Variants in FAM110A observed in about 807,000 individuals in gnomAD.
The protein encoded by FAM110A is family with sequence similarity 110 member A.
A neutral mutation model predicts 4.0 loss-of-function variants in FAM110A; 1 was observed. That is an observed-to-expected ratio of 0.25 (90% CI 0.09 to 1.20). The LOEUF (loss-of-function observed/expected upper bound fraction) is 1.20, where lower values mean the gene tolerates loss of function less well. Ranked by LOEUF, FAM110A falls within the 50% of genes most tolerant of loss-of-function variation. The pLI is 0.50. For synonymous variants in FAM110A, 217 were observed against 196.8 expected (o/e 1.10, Z -0.86); for missense variants, 436 against 429.2 (o/e 1.02, Z -0.14).
rs1235299937 is a variant in FAM110A, at chr20:845,767, A to G, written c.*75A>G. ...TGGTCCCTGGACCTCTCTTGCATCCATTCTCTAGACGGCCGTGTCAGAGGC... is the reference window on the plus strand; with the variant it reads ...TGGTCCCTGGACCTCTCTTGCATCCGTTCTCTAGACGGCCGTGTCAGAGGC... On this transcript the variant is annotated 3_prime_UTR_variant, in exon 2 of 2. Coordinates refer to ENST00000381941, the MANE Select transcript of FAM110A (RefSeq NM_001042353.3). 20 of 1,583,196 alleles carry G rather than the reference A, an allele frequency of 1.3e-5. No individual in the cohort carries two copies. The Admixed American group carries it at 3.1e-4, about 24-fold the overall frequency.
At position 845,617 on chromosome 20, in the gene FAM110A, G is replaced by A; in HGVS notation, c.813G>A (p.Val271=). ...RERVPYGVSV[V]ERNARVIKWL... is the part of the protein sequence containing the mutation. ...GCGTTCCCTATGGCGTGTCGGTGGT[G>A]GAGCGCAATGCCCGCGTGATCAAGT... The change falls in exon 2 of 2, where the codon GTG becomes GTA. Residue 271 remains valine (V), a synonymous_variant. Coordinates refer to ENST00000381941, the MANE Select transcript of FAM110A (RefSeq NM_001042353.3). 6.2e-7 allele frequency: 1 copy of A among 1,614,076 alleles called. No homozygotes were observed. Among genetic ancestry groups the A allele is most frequent in the Non-Finnish European group, 8.5e-7 (1 of 1,180,028 alleles).
In FAM110A at chr20:833,983, C is replaced by A. The variant is rs891162755; in HGVS notation, c.-98+32C>A. ...GCGCGGGTGGGTCCGGGTGCGACCCCGGGTCTGGGGGCCCCGTTCCCCGAG... is the reference window on the plus strand; with the variant it reads ...GCGCGGGTGGGTCCGGGTGCGACCCAGGGTCTGGGGGCCCCGTTCCCCGAG... On this transcript the variant is annotated intron_variant, in intron 1 of 1. Coordinates refer to ENST00000381941, the MANE Select transcript of FAM110A (RefSeq NM_001042353.3). This position sits in a 1 kb window ranked among gnomAD's most constrained non-coding sequence, Gnocchi z 4.1. The A allele has an allele frequency of 6.6e-6, 1 of 152,380 alleles. No homozygotes were observed. Among genetic ancestry groups the A allele is most frequent in the African/African-American group, 2.4e-5 (1 of 41,454 alleles). 9.4% of individuals were successfully genotyped at this position (152,380 alleles called of 1,614,324 possible).
intron 1 of FAM110A, among the ~76,000 whole-genome samples, chr20:841,475 G>A (rs1228452484): frequency 6.6e-6 from 1 of 152,210 alleles, no homozygotes; most frequent in Non-Finnish European, 1.5e-5. Flanking sequence ...GAGCCAGGAG[G>A]GGCGGCGAGG....
intron 1 of FAM110A, among the ~76,000 whole-genome samples, chr20:844,084 G>A (rs918029108): frequency 6.6e-6 from 1 of 152,204 alleles, no homozygotes; most frequent in African/African-American, 2.4e-5. Flanking sequence ...GGCCTGGCAT[G>A]TCTAGGCGGG....
intron 1 of FAM110A, among the ~76,000 whole-genome samples, chr20:842,788 A>G (rs552484683): frequency 6.6e-6 from 1 of 152,310 alleles, no homozygotes; most frequent in East Asian, 1.9e-4. Context: ...AGCTTCCTGG[A>G]ACAATACACC....
chr20:835,369 GGCTGA>G (rs1397859570), intron 1 of FAM110A, among the ~76,000 whole-genome samples: 1 of 151,926 alleles, frequency 6.6e-6, no homozygotes, highest in African/African-American at 2.4e-5. Flanking sequence ...TCAGTCTCTG[GGCTGA>G]GCTAAGAAGT....
In FAM110A at chr20:845,849, G is replaced by C. The variant is rs2282050; in HGVS notation, c.*157G>C. The C allele has an allele frequency of 0.44, 637,022 of 1,432,108 alleles. 144,864 individuals are homozygous for C. Among genetic ancestry groups the C allele is most frequent in the Admixed American group, 0.6 (21,330 of 35,430 alleles). The allele number at this position is 1,432,108 out of a possible 1,614,324, so 88.7% of individuals were successfully genotyped here. A position where few individuals can be genotyped will look rare whatever the true frequency, so the allele number is the denominator to read the frequency against. ...AAGGCTTAGAGGCTGGACCAGCATT[G>C]TTGGGCAAGGACTGACTCTCCAAGG... On this transcript the variant is annotated 3_prime_UTR_variant, in exon 2 of 2. Coordinates refer to ENST00000381941, the MANE Select transcript of FAM110A (RefSeq NM_001042353.3).
In FAM110A at chr20:845,174, A is replaced by G. The variant is rs769907483; in HGVS notation, c.370A>G (p.Ser124Gly). 3.2e-6 allele frequency: 5 copies of G among 1,571,664 alleles called. No individual in the cohort carries two copies. The highest frequency in any genetic ancestry group is 4.3e-6 in the Non-Finnish European group (5 of 1,162,542). The change falls in exon 2 of 2, where the codon AGC (serine) becomes GGC (glycine). Residue 124 changes from serine to glycine, a missense_variant. Coordinates refer to ENST00000381941, the MANE Select transcript of FAM110A (RefSeq NM_001042353.3). ...CAGCCCCGTGTCCCCTGCCGAGGCCAGCCGCACTCCTGGACGGGCCGAGGG... is the reference window on the plus strand; with the variant it reads ...CAGCCCCGTGTCCCCTGCCGAGGCCGGCCGCACTCCTGGACGGGCCGAGGG... ...CDSPVSPAEA[S>G]RTPGRAEGAG...
Position 834,524 on chromosome 20 carries a change from C to T in FAM110A, c.-98+573C>T, listed in dbSNP as rs1351425843. Among the ~76,000 whole-genome samples, 3 of 152,212 alleles carry T rather than the reference C, an allele frequency of 2.0e-5. No homozygotes were observed. The highest frequency in any genetic ancestry group is 4.4e-5 in the Non-Finnish European group (3 of 68,038). ...ATAGAGCCAGTCCCTAAACCAAAGC[C>T]ACTAGTCACCAGAGACTTTGGAATT... On this transcript the variant is annotated intron_variant, in intron 1 of 1. Transcript: ENST00000381941. The surrounding 1 kb of genome is among the most constrained non-coding windows in gnomAD (Gnocchi z 5.6).
At position 840,078 on chromosome 20, in the gene FAM110A, T is replaced by G. The variant is rs1979802698; in HGVS notation, c.-97-4630T>G. ...ATTGTTGCTTTGCTGTTACTACTATTAGCGCCTGAAGGAGCCTTCCCTCCC... is the reference window on the plus strand; with the variant it reads ...ATTGTTGCTTTGCTGTTACTACTATGAGCGCCTGAAGGAGCCTTCCCTCCC... On this transcript the variant is annotated intron_variant, in intron 1 of 1. Transcript: ENST00000381941. The surrounding 1 kb of genome is among the most constrained non-coding windows in gnomAD (Gnocchi z 4.4). The G allele has an allele frequency of 2.8e-6, 2 of 725,896 alleles. No homozygotes were observed. The highest frequency in any genetic ancestry group is 4.4e-5 in the Admixed American group (2 of 45,226). 45.0% of individuals were successfully genotyped at this position (725,896 alleles called of 1,614,324 possible). A position where few individuals can be genotyped will look rare whatever the true frequency, so the allele number is the denominator to read the frequency against.
intron 1 of FAM110A, chr20:839,369 A>C (rs6108039): frequency 0.077 from 40,684 of 529,790 alleles, 1,837 homozygotes; most frequent in African/African-American, 0.12. Context: ...GTCTGGTACA[A>C]AGAAAGTGCT....
At position 844,704 on chromosome 20, in the gene FAM110A, G is replaced by T; in HGVS notation, c.-97-4G>T. 8.5e-6 allele frequency: 11 copies of T among 1,295,518 alleles called. No individual in the cohort carries two copies. The South Asian group carries it at 8.8e-5, about 10-fold the overall frequency. The allele number at this position is 1,295,518 out of a possible 1,614,324, so 80.3% of individuals were successfully genotyped here. A position where few individuals can be genotyped will look rare whatever the true frequency, so the allele number is the denominator to read the frequency against. ...TTTTTTTTTTTCTCTCTCCTTCCCT[G>T]CAGCAGTGGCCGGTGTCCAGCTGCC... On this transcript the variant is annotated splice_polypyrimidine_tract_variant and splice_region_variant and intron_variant, in intron 1 of 1. Transcript: ENST00000381941.
chr20:838,260 A>G (rs1372370499), intron 1 of FAM110A, among the ~76,000 whole-genome samples: 2 of 152,218 alleles, frequency 1.3e-5, no homozygotes, highest in African/African-American at 2.4e-5. Flanking sequence ...TTCTTGACAG[A>G]TATGTTTAAC....
intron 1 of FAM110A, among the ~76,000 whole-genome samples, chr20:835,200 C>CTATATATATA (rs1555787560): frequency 2.1e-5 from 3 of 140,488 alleles, no homozygotes; most frequent in African/African-American, 5.4e-5. Context: ...CTCTCTCTCT[C>CTATATATATA]TATATATATA....
chr20:845,593 C>G lies in FAM110A; in HGVS notation c.789C>G (p.Arg263=). The G allele has an allele frequency of 6.2e-7, 1 of 1,614,046 alleles. No individual in the cohort carries two copies. The highest frequency in any genetic ancestry group is 8.5e-7 in the Non-Finnish European group (1 of 1,180,018). The change falls in exon 2 of 2, where the codon CGC becomes CGG. Residue 263 remains arginine (R), a synonymous_variant. Transcript: ENST00000381941. ...CTGTTGAGGAGCGGGCCCGGGAGCG[C>G]GTTCCCTATGGCGTGTCGGTGGTGG... ...SVTVEERARE[R]VPYGVSVVER...
intron 1 of FAM110A, among the ~76,000 whole-genome samples, chr20:835,671 C>T (rs990655628): frequency 6.6e-6 from 1 of 152,236 alleles, no homozygotes; most frequent in Non-Finnish European, 1.5e-5. Flanking sequence ...AATGTTAGTG[C>T]AAGGCCACCC....
intron 1 of FAM110A, chr20:839,383 A>G (rs1317184060): frequency 1.8e-6 from 1 of 558,620 alleles, no homozygotes; most frequent in Non-Finnish European, 3.4e-6. Context: ...AAGTGCTCAG[A>G]TGAGATTTGT....
chr20:835,109 G>A (rs1568775673), intron 1 of FAM110A, among the ~76,000 whole-genome samples: 1 of 151,734 alleles, frequency 6.6e-6, no homozygotes, highest in Non-Finnish European at 1.5e-5. Flanking sequence ...GACCATTTGT[G>A]TGTTCTGCAG....
rs552419964 is a variant in FAM110A at position 834,427 on chromosome 20, G to A, written c.-98+476G>A. Among the ~76,000 whole-genome samples the A allele has an allele frequency of 1.3e-5, 2 of 152,350 alleles. No individual in the cohort carries two copies. Among genetic ancestry groups the A allele is most frequent in the East Asian group, 3.9e-4 (2 of 5,178 alleles). ...GACTGACATTTCTGGGCTGGATGCA[G>A]GGGCAGCAGATTCTCCAGCCCCCAG... On this transcript the variant is annotated intron_variant, in intron 1 of 1. Transcript: ENST00000381941. The surrounding 1 kb of genome is among the most constrained non-coding windows in gnomAD (Gnocchi z 5.6).
Sources: allele counts gnomAD v4.1 joint callset (sites outside exome capture counted in the v4.1 genomes callset), GRCh38; gene constraint gnomAD v4.1.1; non-coding constraint Gnocchi (gnomAD v3.1); transcripts MANE v1.5; gene names NCBI Gene and HGNC (gene_info 2026-07-23, HGNC 2026-07-21).